The following LPP variants were observed in gnomAD, a reference collection of about 807,000 sequenced individuals.
The protein encoded by LPP is lipoma-preferred partner.
LPP carries 38 observed loss-of-function variants against 60.4 expected under a neutral mutation model. The observed-to-expected ratio is 0.63, with a 90% confidence interval of 0.49 to 0.83. The LOEUF (loss-of-function observed/expected upper bound fraction) is 0.83, where lower values mean the gene tolerates loss of function less well. Ranked by LOEUF, LPP falls within the 40% of genes least tolerant of loss-of-function variation. LPP has a pLI of 0.00. For synonymous variants in LPP, 328 were observed against 290.8 expected, an observed-to-expected ratio of 1.13 and a Z score of -1.30; for missense variants, 902 against 783.6, an observed-to-expected ratio of 1.15 and a Z score of -1.80.
chr3:188,516,350 G>A (rs1469776789), intron 5 of LPP, among the ~76,000 whole-genome samples: 3 of 151,888 alleles, frequency 2.0e-5, no homozygotes, highest in African/African-American at 4.8e-5. Flanking sequence ...TACTGAATAC[G>A]GCCTGTGTCC....
intron 9 of LPP, among the ~76,000 whole-genome samples, chr3:188,783,854 T>C (rs569157316): frequency 1.2e-3 from 86 of 70,126 alleles, no homozygotes; most frequent in Non-Finnish European, 1.4e-3. Flanking sequence ...AATCAGTGTT[T>C]ACCTAACTTG....
rs1317829346 is a variant in LPP, at chr3:188,878,783, A to G, written c.*4304A>G. ...GTAAAAAAAAAAAAAAAAGAAAGAA[A>G]GAAAAGAAAGAGAGAGAAGTCAACT... On this transcript the variant is annotated 3_prime_UTR_variant, in exon 12 of 12. Transcript: ENST00000617246. 4.8e-6 allele frequency: 1 copy of G among 208,326 alleles called. No homozygotes were observed. The highest frequency in any genetic ancestry group is 2.3e-5 in the African/African-American group (1 of 43,994). 12.9% of individuals were successfully genotyped at this position (208,326 alleles called of 1,614,324 possible).
At chr3:188,490,381 G>A (rs191209938) in intron 5 of LPP, among the ~76,000 whole-genome samples, 1 of 152,148 alleles carries the variant, frequency 6.6e-6, no homozygotes, top group Non-Finnish European at 1.5e-5. Context: ...TGTGTATGAT[G>A]AATAGTGGCT....
chr3:188,250,684 G>A (rs922231106), intron 2 of LPP, among the ~76,000 whole-genome samples: 85 of 147,472 alleles, frequency 5.8e-4, no homozygotes, highest in African/African-American at 1.9e-3. Context: ...CCTCCCTCCC[G>A]CTCTCTCTCT....
intron 1 of LPP, among the ~76,000 whole-genome samples, chr3:188,175,294 G>T (rs1279345342): frequency 6.6e-6 from 1 of 152,036 alleles, no homozygotes; most frequent in Admixed American, 6.6e-5. Context: ...TTGCCATGTT[G>T]CCCAGGCTGG....
intron 5 of LPP, among the ~76,000 whole-genome samples, chr3:188,506,067 C>T (rs1384144995): frequency 2.0e-5 from 3 of 152,090 alleles, no homozygotes; most frequent in Admixed American, 2.0e-4. Flanking sequence ...GATGAACCCT[C>T]ATATCCTCAT....
intron 9 of LPP, among the ~76,000 whole-genome samples, chr3:188,786,405 A>G (rs930529913): frequency 1.4e-5 from 2 of 138,778 alleles, no homozygotes; most frequent in East Asian, 2.7e-4. Context: ...AAAAAAAAAA[A>G]AAAAAACCAA....
chr3:188,863,285 G>T (rs1765721690), intron 9 of LPP, among the ~76,000 whole-genome samples: 1 of 152,206 alleles, frequency 6.6e-6, no homozygotes, highest in African/African-American at 2.4e-5. Flanking sequence ...ATGTCATACA[G>T]CAGATTTTGA....
chr3:188,832,746 AC>A (rs1418593793), intron 9 of LPP, among the ~76,000 whole-genome samples: 2 of 152,174 alleles, frequency 1.3e-5, no homozygotes, highest in African/African-American at 2.4e-5. Context: ...TCACAGGGCA[AC>A]CATGTGTGTA....
At chr3:188,859,772 G>C (rs535359808) in intron 9 of LPP, among the ~76,000 whole-genome samples, 2 of 152,152 alleles carry the variant, frequency 1.3e-5, no homozygotes, top group Non-Finnish European at 2.9e-5. Flanking sequence ...TGAATTTTCA[G>C]TTCTGTGTTT....
At chr3:188,529,066 C>T (rs147696617) in intron 6 of LPP, among the ~76,000 whole-genome samples, 1,611 of 152,176 alleles carry the variant, frequency 0.011, 28 homozygotes, top group South Asian at 0.079. Context: ...TATGATTTAA[C>T]AAAGCAAGAG....
intron 9 of LPP, among the ~76,000 whole-genome samples, chr3:188,838,349 T>C (rs1759014294): frequency 6.6e-6 from 1 of 152,210 alleles, no homozygotes; most frequent in South Asian, 2.1e-4. Flanking sequence ...GGGACTCATA[T>C]GCACCTTTTG....
At chr3:188,441,168 AC>A (rs1793730682) in intron 4 of LPP, among the ~76,000 whole-genome samples, 1 of 152,138 alleles carries the variant, frequency 6.6e-6, no homozygotes, top group South Asian at 2.1e-4. Flanking sequence ...TTTGTGGTTG[AC>A]ACTGCAGAGA....
intron 1 of LPP, among the ~76,000 whole-genome samples, chr3:188,169,237 A>G (rs1051589581): frequency 2.6e-5 from 4 of 152,234 alleles, no homozygotes; most frequent in Admixed American, 2.6e-4. Context: ...AACCCTAAGG[A>G]AGCTATAAAA....
In LPP at chr3:188,289,422, A is replaced by G. The variant is rs374715377; in HGVS notation, c.-66-52241A>G. Among the ~76,000 whole-genome samples the G allele has an allele frequency of 2.1e-3, 322 of 152,346 alleles. 12 individuals carry two copies. In the South Asian group the frequency reaches 0.065, roughly 31 times the overall value. ...GAAATTTAAATTCACTCAATTATTTATTGACTAAATATTGAGCACTTATGT... is the reference window on the plus strand; with the variant it reads ...GAAATTTAAATTCACTCAATTATTTGTTGACTAAATATTGAGCACTTATGT... On this transcript the variant is annotated intron_variant, in intron 2 of 11. Transcript: ENST00000617246.
At chr3:188,560,295 T>C (rs1830378504) in intron 6 of LPP, among the ~76,000 whole-genome samples, 1 of 152,080 alleles carries the variant, frequency 6.6e-6, no homozygotes, top group Admixed American at 6.6e-5. Flanking sequence ...AGGAGTCGTC[T>C]ATGCACAGAT....
At chr3:188,765,297 A>AACACACACACACAC (rs60149759) in intron 9 of LPP, among the ~76,000 whole-genome samples, 98 of 144,068 alleles carry the variant, frequency 6.8e-4, no homozygotes, top group Admixed American at 2.2e-3. Flanking sequence ...TGTCTCACAC[A>AACACACACACACAC]ACACACACAC....
intron 7 of LPP, among the ~76,000 whole-genome samples, chr3:188,694,532 A>C (rs1251350256): frequency 6.6e-6 from 1 of 151,888 alleles, no homozygotes; most frequent in Non-Finnish European, 1.5e-5. Flanking sequence ...GAGAAACCCC[A>C]TCTCTACTAA....
chr3:188,689,052 T>C (rs1252019556), intron 7 of LPP, among the ~76,000 whole-genome samples: 13 of 152,230 alleles, frequency 8.5e-5, no homozygotes, highest in Admixed American at 8.5e-4. Context: ...GAGCTCTGTG[T>C]ATGCTATTTC....
Sources: allele counts gnomAD v4.1 joint callset (sites outside exome capture counted in the v4.1 genomes callset), GRCh38; gene constraint gnomAD v4.1.1; transcripts MANE v1.5; gene names NCBI Gene and HGNC (gene_info 2026-07-23, HGNC 2026-07-21).